Variants in LRRC7 observed in about 807,000 individuals in gnomAD.
LRRC7 encodes leucine-rich repeat-containing protein 7.
In LRRC7, 23 loss-of-function variants were observed where a neutral mutation model predicts 175.7. The observed-to-expected ratio is 0.13, with a 90% CI of 0.09 to 0.19. The LOEUF is 0.19. LRRC7 is among the 10% of genes least tolerant of loss of function. The pLI, the probability that LRRC7 is intolerant of heterozygous loss-of-function variation, is 1.00. For synonymous variants in LRRC7, 685 were observed against 680.9 expected, an observed-to-expected ratio of 1.01 and a Z score of -0.09; for missense variants, 1,354 against 1,904.7, an observed-to-expected ratio of 0.71 and a Z score of 5.38.
chr1:70,057,693 T>A (rs367776846), intron 23 of LRRC7, among the ~76,000 whole-genome samples: 3 of 152,226 alleles, frequency 2.0e-5, no homozygotes, highest in South Asian at 4.1e-4. Context: ...TTGACTGAAC[T>A]TGTGGCTCTC....
rs181469860 is a variant in LRRC7 at position 70,040,824 on chromosome 1, A to T, written c.3969+1031A>T. Among the ~76,000 whole-genome samples, 58 of 152,300 alleles carry T rather than the reference A, an allele frequency of 3.8e-4. 1 individual carries two copies. Among genetic ancestry groups the T allele is most frequent in the Admixed American group, 1.2e-3 (19 of 15,292 alleles). Reference sequence around the variant, plus strand: ...GTGAGACTCTGTCTTGGGGAAAAAAAAAATAAATTGTGTCCACAATAAAGC... The same window carrying T: ...GTGAGACTCTGTCTTGGGGAAAAAATAAATAAATTGTGTCCACAATAAAGC... On this transcript the variant is annotated intron_variant, in intron 21 of 26. Transcript: ENST00000651989.
chr1:69,867,703 T>C (rs1685091996), intron 7 of LRRC7, among the ~76,000 whole-genome samples: 1 of 152,116 alleles, frequency 6.6e-6, no homozygotes, highest in Non-Finnish European at 1.5e-5. Flanking sequence ...AAACATTTAG[T>C]AAATGACTGA....
intron 4 of LRRC7, among the ~76,000 whole-genome samples, chr1:69,821,325 C>T (rs552691921): frequency 1.2e-4 from 19 of 152,006 alleles, no homozygotes; most frequent in African/African-American, 3.9e-4. Context: ...GGGCTGTTTC[C>T]GATTTAGCAT....
At chr1:69,903,011 T>G (rs1646182285) in intron 7 of LRRC7, among the ~76,000 whole-genome samples, 1 of 152,244 alleles carries the variant, frequency 6.6e-6, no homozygotes, top group South Asian at 2.1e-4. Context: ...AGTTGTCCTT[T>G]TATATTTTAT....
chr1:69,817,904 TTC>T (rs1457384830), intron 4 of LRRC7, among the ~76,000 whole-genome samples: 2 of 152,162 alleles, frequency 1.3e-5, no homozygotes, highest in Non-Finnish European at 2.9e-5. Context: ...ATTGTTTTAT[TTC>T]TTTTTCACAT....
intron 24 of LRRC7, among the ~76,000 whole-genome samples, chr1:70,085,903 G>A (rs1663572541): frequency 6.6e-6 from 1 of 152,066 alleles, no homozygotes; most frequent in African/African-American, 2.4e-5. Context: ...ATAAATATTT[G>A]TGGAATAAAG....
At chr1:69,994,696 G>T in intron 11 of LRRC7, 63 bp downstream of exon 11, 2 of 1,108,220 alleles carry the variant, frequency 1.8e-6, no homozygotes, top group Non-Finnish European at 2.7e-6. Flanking sequence ...GATATATTGA[G>T]TTTTCTAATT....
chr1:69,882,541 TATC>T (rs1686725993), intron 7 of LRRC7, among the ~76,000 whole-genome samples: 1 of 151,876 alleles, frequency 6.6e-6, no homozygotes, highest in South Asian at 2.1e-4. Flanking sequence ...ACTATATAAA[TATC>T]ATTTAGCCTT....
intron 25 of LRRC7, 101 bp downstream of exon 25, chr1:70,089,920 A>T: frequency 2.4e-6 from 2 of 828,772 alleles, no homozygotes; most frequent in Non-Finnish European, 1.9e-6. Flanking sequence ...TTGTGTTTTC[A>T]TGAGCTAGTT....
intron 1 of LRRC7, among the ~76,000 whole-genome samples, chr1:69,669,747 T>A (rs1366752590): frequency 6.6e-6 from 1 of 151,710 alleles, no homozygotes; most frequent in Non-Finnish European, 1.5e-5. Flanking sequence ...CATGCTGTAT[T>A]TTTTTTTATT....
At chr1:70,121,700 C>A in intron 26 of LRRC7, 80 bp from the exon 27 acceptor site, 3 of 893,988 alleles carry the variant, frequency 3.4e-6, no homozygotes, top group East Asian at 2.6e-5. Context: ...CTCAGTGCTC[C>A]CGTGAATTTT....
At chr1:69,759,537 C>T (rs990766484) in intron 2 of LRRC7, among the ~76,000 whole-genome samples, 10 of 151,946 alleles carry the variant, frequency 6.6e-5, no homozygotes, top group Non-Finnish European at 1.5e-4. Flanking sequence ...TTACAAGGTT[C>T]GTAAAGATAG....
chr1:69,883,032 G>T (rs2101618307), intron 7 of LRRC7, among the ~76,000 whole-genome samples: 1 of 152,084 alleles, frequency 6.6e-6, no homozygotes, highest in Non-Finnish European at 1.5e-5. Context: ...ATTTGGGTTG[G>T]TTCCAAGTCT....
At chr1:69,916,024 T>TTATA (rs1157132522) in intron 7 of LRRC7, among the ~76,000 whole-genome samples, 1 of 130,386 alleles carries the variant, frequency 7.7e-6, no homozygotes, top group Non-Finnish European at 1.6e-5. Flanking sequence ...CTTAGCTATT[T>TTATA]TATATATATA....
At chr1:70,115,976 G>C (rs1219270268) in intron 26 of LRRC7, among the ~76,000 whole-genome samples, 1 of 152,180 alleles carries the variant, frequency 6.6e-6, no homozygotes, top group Non-Finnish European at 1.5e-5. Context: ...AAAAGTAAAA[G>C]GAATGTGGCT....
chr1:69,841,055 A>AT (rs1003291937), intron 7 of LRRC7, among the ~76,000 whole-genome samples: 3 of 152,050 alleles, frequency 2.0e-5, no homozygotes, highest in African/African-American at 7.2e-5. Context: ...AGGGTTAGGA[A>AT]TTAAAGAGAA....
At chr1:69,625,931 G>C (rs1184006177) in intron 1 of LRRC7, among the ~76,000 whole-genome samples, 1 of 152,146 alleles carries the variant, frequency 6.6e-6, no homozygotes, top group African/African-American at 2.4e-5. Flanking sequence ...GTGTTCTATA[G>C]ATGTAAATAA....
chr1:69,795,911 G>T (rs1264236128), intron 4 of LRRC7, among the ~76,000 whole-genome samples: 28 of 94,962 alleles, frequency 2.9e-4, no homozygotes, highest in East Asian at 1.6e-3. Context: ...ATTTTTTTTG[G>T]GTTTTTTTTT....
intron 1 of LRRC7, among the ~76,000 whole-genome samples, chr1:69,628,038 A>G (rs1303778831): frequency 6.6e-6 from 1 of 152,046 alleles, no homozygotes; most frequent in Admixed American, 6.6e-5. Context: ...TTTCCTTAAT[A>G]CCATATTTAA....
Sources: gnomAD v4.1 joint callset for allele counts (sites outside exome capture counted in the v4.1 genomes callset) on GRCh38, gnomAD v4.1.1 for gene constraint, MANE v1.5 for transcripts, NCBI Gene and HGNC (gene_info 2026-07-23, HGNC 2026-07-21) for gene names.